Variants in TICRR observed in about 807,000 individuals in gnomAD.
TICRR encodes the protein treslin.
TICRR carries 132 observed loss-of-function variants against 178.1 expected under a neutral mutation model. The observed-to-expected ratio is 0.74, with a 90% CI of 0.64 to 0.86. The LOEUF (loss-of-function observed/expected upper bound fraction) is 0.86. Among genes scored for constraint, TICRR ranks in the 40% least tolerant of loss-of-function variants. The probability of loss-of-function intolerance (pLI) is 0.00; values close to 1 mark genes in which losing one functional copy is unlikely to be tolerated. For missense variants in TICRR, 2,587 were observed against 2,334.3 expected (o/e 1.11, Z -2.23); for synonymous variants, 991 against 900.7 (o/e 1.10, Z -1.79).
rs757031064 is a variant in TICRR at position 89,601,961 on chromosome 15, C to T, written c.2552C>T (p.Ser851Leu). ...SDELQELRTR[S>L]AKKRRKNALI... is the part of the protein sequence containing the mutation. ...GAACTGCAGGAACTTCGTACCAGAT[C>T]AGCCAAGAAGAGAAGGTAAGAGGTC... The change falls in exon 12 of 22, where the codon TCA becomes TTA. Residue 851 changes from serine (S) to leucine (L), a missense_variant. By Grantham distance (145) the Ser-to-Leu change is moderately radical. Transcript: ENST00000268138. 1.4e-5 allele frequency: 22 copies of T among 1,614,028 alleles called. No individual in the cohort carries two copies. Among genetic ancestry groups the T allele is most frequent in the Non-Finnish European group, 1.9e-5 (22 of 1,180,024 alleles).
chr15:89,611,487 G>A (rs1027569722), intron 15 of TICRR, among the ~76,000 whole-genome samples: 4 of 152,042 alleles, frequency 2.6e-5, no homozygotes, highest in Admixed American at 2.0e-4. Flanking sequence ...CTTGGAGTTC[G>A]TGGAACTTCT....
At chr15:89,617,103 AGCCAGGCT>A (rs1275594860) in intron 16 of TICRR, among the ~76,000 whole-genome samples, 1 of 152,214 alleles carries the variant, frequency 6.6e-6, no homozygotes, top group Non-Finnish European at 1.5e-5. Context: ...CAAAGTCCCC[AGCCAGGCT>A]GCCTTCTTCT....
At chr15:89,622,007 G>C (rs1963434844) in intron 19 of TICRR, among the ~76,000 whole-genome samples, 1 of 66,794 alleles carries the variant, frequency 1.5e-5, no homozygotes, top group East Asian at 3.3e-4. Context: ...TTTTTTTGGA[G>C]ACAGAGTCTT....
At chr15:89,613,638 A>G (rs1047751092) in intron 15 of TICRR, among the ~76,000 whole-genome samples, 4 of 151,732 alleles carry the variant, frequency 2.6e-5, no homozygotes, top group African/African-American at 9.7e-5. Context: ...GGATCATCTC[A>G]ATTAACCTTG....
At chr15:89,597,143 T>C (rs189481373) in intron 7 of TICRR, among the ~76,000 whole-genome samples, 157 of 152,292 alleles carry the variant, frequency 1.0e-3, no homozygotes, top group Middle Eastern at 6.8e-3. Context: ...ATTCAACATT[T>C]TTAGTAATTT....
chr15:89,576,860 T>TATATAC (rs1555419112), intron 1 of TICRR, among the ~76,000 whole-genome samples: 94 of 128,554 alleles, frequency 7.3e-4, no homozygotes, highest in African/African-American at 2.3e-3. Flanking sequence ...TATATATATA[T>TATATAC]ACACACACAC....
In TICRR at chr15:89,625,247, C is replaced by T. The variant is rs1963498952; in HGVS notation, c.4937C>T (p.Ala1646Val). The T allele has an allele frequency of 6.2e-7, 1 of 1,613,402 alleles. No homozygotes were observed. The highest frequency in any genetic ancestry group is 1.3e-5 in the African/African-American group (1 of 74,912). Reference sequence around the variant, plus strand: ...AGGGGGCAAACCTACATCTGCCAGGCCTGTACCCCCACCCACGGCCCTTCT... The same window carrying T: ...AGGGGGCAAACCTACATCTGCCAGGTCTGTACCCCCACCCACGGCCCTTCT... ...KSRGQTYICQ[A>V]CTPTHGPSST... The change falls in exon 20 of 22, where the codon GCC becomes GTC. Residue 1646 changes from alanine (A) to valine (V), a missense_variant. Physicochemically the swap from Ala to Val is moderately conservative, Grantham distance 64. Coordinates refer to ENST00000268138, the MANE Select transcript of TICRR (RefSeq NM_152259.4).
At chr15:89,609,181 G>A (rs1457383789) in intron 15 of TICRR, among the ~76,000 whole-genome samples, 5 of 124,550 alleles carry the variant, frequency 4.0e-5, no homozygotes, top group Non-Finnish European at 6.3e-5. Context: ...CGCAATCTCA[G>A]CTCACTGCAG....
intron 5 of TICRR, among the ~76,000 whole-genome samples, chr15:89,592,743 AC>A (rs1390881087): frequency 6.6e-6 from 1 of 152,244 alleles, no homozygotes; most frequent in Non-Finnish European, 1.5e-5. Context: ...CAATTAAAAG[AC>A]GAACAATATT....
At chr15:89,585,637 T>C in intron 3 of TICRR, 71 bp from the exon 4 acceptor site, 3 of 1,053,780 alleles carry the variant, frequency 2.8e-6, no homozygotes, top group South Asian at 1.3e-5. Flanking sequence ...TATTCTGTCT[T>C]TTAGTACACT....
rs193186379 is a variant in TICRR, at chr15:89,626,248, A to T, written c.5602+187A>T. 1.6e-3 allele frequency among the ~76,000 whole-genome samples: 244 copies of T among 152,290 alleles called. 1 individual carries two copies. The highest frequency in any genetic ancestry group is 5.6e-3 in the African/African-American group (233 of 41,558). On this transcript the variant is annotated intron_variant, in intron 21 of 21. Coordinates refer to ENST00000268138, the MANE Select transcript of TICRR (RefSeq NM_152259.4). ...CACATTAGAACTTGTGTGCATGTGAACAGAAGCCCCTCAAAATCCTGCTAA... is the reference window on the plus strand; with the variant it reads ...CACATTAGAACTTGTGTGCATGTGATCAGAAGCCCCTCAAAATCCTGCTAA...
chr15:89,591,457 C>T (rs1028736559), intron 4 of TICRR: 2 of 151,876 alleles, frequency 1.3e-5, no homozygotes, highest in Non-Finnish European at 2.9e-5. Context: ...GGACCAGGCA[C>T]GGTGGCTCAC....
chr15:89,604,768 CAA>C (rs35046074), intron 13 of TICRR, among the ~76,000 whole-genome samples: 187 of 106,552 alleles, frequency 1.8e-3, no homozygotes, highest in Non-Finnish European at 2.7e-3. Context: ...GAGACTCTGT[CAA>C]AAAAAAAAAA....
intron 1 of TICRR, among the ~76,000 whole-genome samples, chr15:89,578,172 A>G (rs758019212): frequency 7.2e-5 from 11 of 152,232 alleles, no homozygotes; most frequent in Middle Eastern, 3.4e-3. Context: ...AATTAATGGG[A>G]AGGCTTTGGA....
In TICRR at chr15:89,579,940, C is replaced by G. The variant is rs562358546; in HGVS notation, c.655-2746C>G. On this transcript the variant is annotated intron_variant, in intron 1 of 21. Coordinates refer to ENST00000268138, the MANE Select transcript of TICRR (RefSeq NM_152259.4). The stretch of plus-strand genomic sequence containing the variant: ...GTTTCAGCTATTCTGTTGTAAGCAA[C>G]ATTAAGCAGACTACGCCATGCACAC... The G allele has an allele frequency of 7.0e-4, 106 of 152,304 alleles. 2 individuals are homozygous for G. The highest frequency in any genetic ancestry group is 2.5e-3 in the African/African-American group (105 of 41,558). 9.4% of individuals were successfully genotyped at this position (152,304 alleles called of 1,614,324 possible).
Position 89,601,384 on chromosome 15 carries a change from T to C in TICRR, c.2240T>C (p.Val747Ala), listed in dbSNP as rs12905387. 27,711 of 1,613,992 alleles carry C rather than the reference T, an allele frequency of 0.017. 284 individuals carry two copies. Among genetic ancestry groups the C allele is most frequent in the Non-Finnish European group, 0.02 (23,510 of 1,179,928 alleles). Residue 747 changes from valine (V) to alanine (A), a missense_variant, in exon 10 of 22, where the codon GTG becomes GCG. Physicochemically the swap from Val to Ala is moderately conservative, Grantham distance 64. Transcript: ENST00000268138. Reference protein sequence around the residue: ...NESTDDMEQVVEEVTDLLRMV... With the variant: ...NESTDDMEQVAEEVTDLLRMV... Reference sequence around the variant, plus strand: ...AGTACAGATGATATGGAACAAGTAGTGGAGGAGGCAAGTATATAGTTTCGT... The same window carrying C: ...AGTACAGATGATATGGAACAAGTAGCGGAGGAGGCAAGTATATAGTTTCGT...
At chr15:89,614,371 G>T (rs914040260) in intron 15 of TICRR, among the ~76,000 whole-genome samples, 3 of 150,588 alleles carry the variant, frequency 2.0e-5, no homozygotes, top group Admixed American at 2.0e-4. Flanking sequence ...CTGGAGTGCA[G>T]TGGTATGATC....
chr15:89,623,067 T>C (rs148988333), intron 19 of TICRR, among the ~76,000 whole-genome samples: 2 of 152,378 alleles, frequency 1.3e-5, no homozygotes, highest in African/African-American at 4.8e-5. Flanking sequence ...TTGGAGCTTT[T>C]CACTACGTAT....
Position 89,626,906 on chromosome 15 carries a change from G to A in TICRR, c.5603-50G>A, listed in dbSNP as rs750644779. ...CTGCAATTTAAGCCAATTTTTTTCA[G>A]TTCGGTCCTCTGTGACTCCTGCATG... is the stretch of plus-strand genomic sequence containing the variant. On this transcript the variant is annotated intron_variant, in intron 21 of 21. Coordinates refer to ENST00000268138, the MANE Select transcript of TICRR (RefSeq NM_152259.4). 5 of 1,593,520 alleles carry A rather than the reference G, an allele frequency of 3.1e-6. No individual in the cohort carries two copies. In the East Asian group the frequency reaches 1.1e-4, roughly 36 times the overall value.
Sources: gnomAD v4.1 joint callset for allele counts (sites outside exome capture counted in the v4.1 genomes callset) on GRCh38, gnomAD v4.1.1 for gene constraint, MANE v1.5 for transcripts, NCBI Gene and HGNC (gene_info 2026-07-23, HGNC 2026-07-21) for gene names.